PRH1: variants seen among roughly 807,000 people sequenced by gnomAD.
PRH1 encodes the protein salivary acidic proline-rich phosphoprotein 1/2.
Under a neutral mutation model 7.9 loss-of-function variants are expected in PRH1, and 7 were observed. The ratio of observed to expected loss-of-function variants is 0.89; its 90% CI spans 0.50 to 1.67. The LOEUF is 1.67. Among genes scored for constraint, PRH1 ranks in the 40% most tolerant of loss-of-function variants. The pLI is 0.00. For synonymous variants in PRH1, 45 were observed against 80.8 expected (o/e 0.56, Z 2.38); for missense variants, 109 against 223.6 (o/e 0.49, Z 3.27).
intron 1 of PRH1, among the ~76,000 whole-genome samples, chr12:10,984,849 T>C: frequency 6.6e-6 from 1 of 152,210 alleles, no homozygotes. Context: ...ATACAACATA[T>C]ATTTTAGATG....
chr12:11,002,343 A>G (rs1392858574), intron 1 of PRH1, among the ~76,000 whole-genome samples: 3 of 152,084 alleles, frequency 2.0e-5, no homozygotes, highest in Non-Finnish European at 4.4e-5. Context: ...CTTGTTTCTT[A>G]TATTATTCTC....
At chr12:11,094,138 C>T (rs142220951) in intron 1 of PRH1, among the ~76,000 whole-genome samples, 25,348 of 109,846 alleles carry the variant, frequency 0.23, 8,609 homozygotes, top group Non-Finnish European at 0.29. Flanking sequence ...CCCGTCTCTA[C>T]TAAAAATACA....
At chr12:11,031,277 C>A in intron 1 of PRH1, 1 of 1,613,882 alleles carries the variant, frequency 6.2e-7, no homozygotes, top group South Asian at 1.1e-5. Flanking sequence ...AGCAAAATTT[C>A]CAATAACAAA....
chr12:11,100,883 A>C (rs1467378632), intron 1 of PRH1, among the ~76,000 whole-genome samples: 1 of 152,174 alleles, frequency 6.6e-6, no homozygotes, highest in Non-Finnish European at 1.5e-5. Flanking sequence ...AATTTTACCC[A>C]ACACACTGGT....
At chr12:11,088,662 T>A (rs1443316722) in intron 1 of PRH1, among the ~76,000 whole-genome samples, 1 of 113,710 alleles carries the variant, frequency 8.8e-6, no homozygotes, top group Non-Finnish European at 2.1e-5. Context: ...CATTTGAGAA[T>A]ATAGCTCTGA....
chr12:11,114,333 G>GA (rs1290859707), intron 1 of PRH1, among the ~76,000 whole-genome samples: 1 of 80,470 alleles, frequency 1.2e-5, no homozygotes, highest in Non-Finnish European at 3.2e-5. Flanking sequence ...CCATAAAAAA[G>GA]GATGAGTTCA....
intron 1 of PRH1, among the ~76,000 whole-genome samples, chr12:11,136,862 T>C (rs2136382438): frequency 6.6e-6 from 1 of 152,256 alleles, no homozygotes; most frequent in East Asian, 1.9e-4. Context: ...CTACAATAAA[T>C]GAAAATGTGA....
intron 1 of PRH1, among the ~76,000 whole-genome samples, chr12:10,998,975 T>A (rs770423897): frequency 6.6e-6 from 1 of 152,110 alleles, no homozygotes; most frequent in Non-Finnish European, 1.5e-5. Flanking sequence ...AGAATAAGAA[T>A]GAGTAACTCA....
chr12:11,023,150 C>T (rs1941744751), intron 1 of PRH1, among the ~76,000 whole-genome samples: 1 of 152,152 alleles, frequency 6.6e-6, no homozygotes, highest in Non-Finnish European at 1.5e-5. Context: ...TTGGAAATCC[C>T]TGGGAGGCTG....
intron 1 of PRH1, among the ~76,000 whole-genome samples, chr12:11,131,968 A>G (rs1459881029): frequency 2.0e-5 from 3 of 151,656 alleles, no homozygotes; most frequent in Non-Finnish European, 4.4e-5. Context: ...AGAAAGCCTG[A>G]CAGACACGAT....
chr12:11,050,550 C>T (rs1397401380), upstream of PRH1, among the ~76,000 whole-genome samples: 1 of 152,086 alleles, frequency 6.6e-6, no homozygotes, highest in Non-Finnish European at 1.5e-5. Flanking sequence ...TTTACTGGGG[C>T]CAGTTTATGG....
intron 1 of PRH1, chr12:11,061,605 A>G (rs775054715): frequency 1.9e-6 from 3 of 1,614,102 alleles, no homozygotes; most frequent in South Asian, 1.1e-5. Flanking sequence ...AGGAGGTCAC[A>G]GTTTGCAAAG....
At chr12:10,894,018 T>C (rs1446961144) in intron 2 of PRH1, among the ~76,000 whole-genome samples, 1 of 152,182 alleles carries the variant, frequency 6.6e-6, no homozygotes, top group Admixed American at 6.5e-5. Flanking sequence ...CTGATTTGTT[T>C]TTCTTTTCAA....
intron 1 of PRH1, among the ~76,000 whole-genome samples, chr12:11,067,191 C>T (rs1157055566): frequency 2.0e-5 from 3 of 151,944 alleles, no homozygotes; most frequent in African/African-American, 7.3e-5. Flanking sequence ...AACAAATTTG[C>T]CTTTCTATGA....
chr12:11,037,789 C>G (rs1303200327), intron 1 of PRH1, among the ~76,000 whole-genome samples: 1 of 152,182 alleles, frequency 6.6e-6, no homozygotes, highest in African/African-American at 2.4e-5. Context: ...CCTATAATCC[C>G]AGCATTTTGA....
chr12:11,125,902 T>C (rs1946108785), intron 1 of PRH1, among the ~76,000 whole-genome samples: 1 of 152,144 alleles, frequency 6.6e-6, no homozygotes, highest in East Asian at 1.9e-4. Flanking sequence ...AATTTAAAGT[T>C]TAAAATTTTA....
In PRH1 at chr12:11,094,941, A is replaced by T. The variant is rs1164331713; in HGVS notation, n.124-47753T>A. On this transcript the variant is annotated intron_variant and non_coding_transcript_variant, in intron 1 of 4. Coordinates refer to the PRH1 transcript ENST00000541977. ...GCAATATCCATAATTTATAATGGTT[A>T]TTTCCTCAATTTTCTTCATACTTTA... is the stretch of plus-strand genomic sequence containing the variant. Among the ~76,000 whole-genome samples, 4 of 81,470 alleles carry T rather than the reference A, an allele frequency of 4.9e-5. 1 individual carries two copies. Among genetic ancestry groups the T allele is most frequent in the Admixed American group, 4.0e-4 (3 of 7,524 alleles). 53.4% of individuals were successfully genotyped at this position (81,470 alleles called of 152,430 possible).
intron 1 of PRH1, chr12:11,097,033 G>C (rs73264482): frequency 0.96 from 119,178 of 123,588 alleles, 58,574 homozygotes; most frequent in Middle Eastern, 1. Flanking sequence ...CTCCTGACCT[G>C]ATGATCCGCC....
At chr12:11,147,363 T>G (rs1946895548) in intron 1 of PRH1, among the ~76,000 whole-genome samples, 1 of 152,068 alleles carries the variant, frequency 6.6e-6, no homozygotes, top group Non-Finnish European at 1.5e-5. Context: ...AATTTTTGTA[T>G]TTTTAGTAGA....
Sources: allele counts gnomAD v4.1 joint callset (sites outside exome capture counted in the v4.1 genomes callset), GRCh38; gene constraint gnomAD v4.1.1; transcripts MANE v1.5; gene names NCBI Gene and HGNC (gene_info 2026-07-23, HGNC 2026-07-21).